CACNA1E: variants seen among roughly 807,000 people sequenced by gnomAD.
The protein encoded by CACNA1E is calcium voltage-gated channel subunit alpha1 E, also known as voltage-dependent R-type calcium channel subunit alpha-1E.
CACNA1E carries 40 observed loss-of-function variants against 259.2 expected under a neutral mutation model. The ratio of observed to expected loss-of-function variants is 0.15; its 90% confidence interval spans 0.12 to 0.20. The LOEUF (loss-of-function observed/expected upper bound fraction) is 0.20, where lower values mean the gene tolerates loss of function less well. CACNA1E is among the 10% of genes least tolerant of loss of function. CACNA1E has a pLI of 1.00. For missense variants in CACNA1E, 1,874 were observed against 3,040.1 expected, an observed-to-expected ratio of 0.62 and a Z score of 9.02; for synonymous variants, 1,104 against 1,138.5, an observed-to-expected ratio of 0.97 and a Z score of 0.61.
intron 25 of CACNA1E, among the ~76,000 whole-genome samples, chr1:181,746,278 T>C (rs1657075050): frequency 6.6e-6 from 1 of 152,200 alleles, no homozygotes; most frequent in African/African-American, 2.4e-5. Flanking sequence ...AAGGGGAAAC[T>C]TCCCCATGGG....
intron 3 of CACNA1E, among the ~76,000 whole-genome samples, chr1:181,519,930 A>G (rs1235318140): frequency 6.6e-6 from 1 of 152,108 alleles, no homozygotes; most frequent in Non-Finnish European, 1.5e-5. Context: ...ACTGGTGATG[A>G]TGTAACCCAT....
intron 1 of CACNA1E, among the ~76,000 whole-genome samples, chr1:181,356,006 A>AT (rs34486250): frequency 2.0e-5 from 3 of 151,850 alleles, no homozygotes; most frequent in South Asian, 2.1e-4. Flanking sequence ...TTTTTTGCTC[A>AT]TTTTTTTTGG....
chr1:181,710,043 T>C (rs1653185832), intron 7 of CACNA1E, among the ~76,000 whole-genome samples: 1 of 152,178 alleles, frequency 6.6e-6, no homozygotes, highest in East Asian at 1.9e-4. Flanking sequence ...CCCTTAGTCC[T>C]CTTCTCTTCT....
intron 7 of CACNA1E, among the ~76,000 whole-genome samples, chr1:181,698,349 G>A (rs1371416300): frequency 6.6e-6 from 1 of 152,186 alleles, no homozygotes; most frequent in African/African-American, 2.4e-5. Flanking sequence ...GAATTTCAGA[G>A]TCCACTCTTA....
intron 25 of CACNA1E, among the ~76,000 whole-genome samples, chr1:181,747,183 G>A (rs1657167733): frequency 6.6e-6 from 1 of 152,082 alleles, no homozygotes; most frequent in South Asian, 2.1e-4. Flanking sequence ...GCTATTCCCC[G>A]CTCATGGGGT....
intron 2 of CACNA1E, among the ~76,000 whole-genome samples, chr1:181,463,816 G>A (rs756988664): frequency 5.3e-5 from 8 of 152,040 alleles, no homozygotes; most frequent in Non-Finnish European, 8.8e-5. Context: ...GTGGTAAAAT[G>A]TATCTGCATT....
intron 1 of CACNA1E, among the ~76,000 whole-genome samples, chr1:181,364,866 G>T (rs1392377563): frequency 6.6e-6 from 1 of 152,162 alleles, no homozygotes; most frequent in African/African-American, 2.4e-5. Flanking sequence ...TGCTTTGATA[G>T]GAGTGGGCAG....
At chr1:181,755,922 A>G in intron 28 of CACNA1E, 34 bp from the exon 29 acceptor site, 1 of 1,604,718 alleles carries the variant, frequency 6.2e-7, no homozygotes, top group Non-Finnish European at 8.5e-7. Context: ...AGCTATAGTG[A>G]GGAGGCTCTC....
At chr1:181,500,268 G>T (rs765803296) in intron 1 of CACNA1E, among the ~76,000 whole-genome samples, 1 of 152,242 alleles carries the variant, frequency 6.6e-6, no homozygotes, top group South Asian at 2.1e-4. Flanking sequence ...AGCAGTCACC[G>T]CCTTAACATC....
chr1:181,621,128 G>A (rs1280062293), intron 6 of CACNA1E, among the ~76,000 whole-genome samples: 1 of 152,240 alleles, frequency 6.6e-6, no homozygotes, highest in Admixed American at 6.5e-5. Context: ...CAGAGTGGAA[G>A]ATTCATTTAG....
chr1:181,798,406 T>C lies in CACNA1E; in HGVS notation c.6514T>C (p.Tyr2172His). 1 of 1,613,584 alleles carries C rather than the reference T, an allele frequency of 6.2e-7. No homozygotes were observed. The highest frequency in any genetic ancestry group is 8.5e-7 in the Non-Finnish European group (1 of 1,179,870). ...GCCAAAGCCCCGGCCCCTCCTTTCC[T>C]ACAGCTCCCTGATTCGACACGCGGG... ...VPPKPRPLLSYSSLIRHAGSI... is the reference protein window; with the variant it reads ...VPPKPRPLLSHSSLIRHAGSI... Residue 2172 changes from tyrosine to histidine, a missense_variant, in exon 48 of 48, where the codon TAC (tyrosine) becomes CAC (histidine). Tyr to His is a moderately conservative substitution (Grantham distance 83). Around this residue, in one of 14 missense-constraint regions of CACNA1E, gnomAD observed 542 missense variants for 587.2 expected, o/e 0.92. Transcript: ENST00000367573. The surrounding 1 kb of genome is among the most constrained non-coding windows in gnomAD (Gnocchi z 4.2).
exon 2 of CACNA1E, chr1:181,413,504 G>C (rs1658028284): frequency 6.6e-6 from 1 of 152,452 alleles, no homozygotes; most frequent in Non-Finnish European, 1.5e-5. Flanking sequence ...GGGCCTCATC[G>C]AGCAGCGCGA....
chr1:181,645,949 G>GT (rs1658229088), intron 6 of CACNA1E, among the ~76,000 whole-genome samples: 4 of 152,228 alleles, frequency 2.6e-5, no homozygotes. Context: ...AGGGGAGGGT[G>GT]TGCTGGCCTG....
chr1:181,400,500 C>T (rs1657020070), intron 1 of CACNA1E, among the ~76,000 whole-genome samples: 1 of 152,112 alleles, frequency 6.6e-6, no homozygotes, highest in Admixed American at 6.5e-5. Context: ...TCCCCCACCA[C>T]ATCAGCTGCT....
chr1:181,388,275 G>A (rs1275438763), intron 1 of CACNA1E, among the ~76,000 whole-genome samples: 2 of 152,156 alleles, frequency 1.3e-5, no homozygotes, highest in African/African-American at 4.8e-5. Context: ...CTAGAAGGTC[G>A]CCGTGAGCCC....
At chr1:181,761,322 C>G (rs1193103235) in intron 32 of CACNA1E, among the ~76,000 whole-genome samples, 1 of 152,228 alleles carries the variant, frequency 6.6e-6, no homozygotes, top group African/African-American at 2.4e-5. Flanking sequence ...CCCAACTCCT[C>G]TTGCCAACTC....
At chr1:181,512,197 G>GTTGA (rs1666226267) in intron 3 of CACNA1E, among the ~76,000 whole-genome samples, 2 of 152,242 alleles carry the variant, frequency 1.3e-5, no homozygotes, top group African/African-American at 4.8e-5. Flanking sequence ...AGGAAGCTGG[G>GTTGA]TTGACCCAGT....
At chr1:181,563,741 A>G (rs1649547172) in intron 3 of CACNA1E, among the ~76,000 whole-genome samples, 1 of 152,306 alleles carries the variant, frequency 6.6e-6, no homozygotes, top group South Asian at 2.1e-4. Flanking sequence ...TACTGGCTCC[A>G]TGCCAGTTAC....
At chr1:181,364,952 C>T (rs1031285991) in intron 1 of CACNA1E, among the ~76,000 whole-genome samples, 2 of 152,146 alleles carry the variant, frequency 1.3e-5, no homozygotes, top group Non-Finnish European at 2.9e-5. Context: ...GGTTTCCTGG[C>T]CTTTCCTCTG....
Sources: allele counts gnomAD v4.1 joint callset (sites outside exome capture counted in the v4.1 genomes callset), GRCh38; gene constraint gnomAD v4.1.1; regional missense constraint gnomAD v4.1.1; non-coding constraint Gnocchi (gnomAD v3.1); transcripts MANE v1.5; gene names NCBI Gene and HGNC (gene_info 2026-07-23, HGNC 2026-07-21).